KDM2B: variants seen among roughly 807,000 people sequenced by gnomAD.
The protein encoded by KDM2B is lysine demethylase 2B.
KDM2B carries 26 observed loss-of-function variants against 150.0 expected under a neutral mutation model. The observed-to-expected ratio is 0.17, with a 90% confidence interval of 0.13 to 0.24. KDM2B has a LOEUF of 0.24. Among genes scored for constraint, KDM2B ranks in the 10% least tolerant of loss-of-function variants. The probability of loss-of-function intolerance (pLI) is 1.00; values close to 1 mark genes in which losing one functional copy is unlikely to be tolerated. For missense variants in KDM2B, 1,265 were observed against 1,816.9 expected (o/e 0.70, Z 5.52); for synonymous variants, 734 against 729.5 (o/e 1.01, Z -0.10).
intron 12 of KDM2B, chr12:121,470,063 C>T (rs924068552): frequency 2.6e-5 from 4 of 151,182 alleles, no homozygotes; most frequent in African/African-American, 9.8e-5. Context: ...TGCCACTGCC[C>T]TCCAGCCTGG....
chr12:121,440,693 C>T (rs1303965181), intron 21 of KDM2B, 123 bp downstream of exon 21: 3 of 978,004 alleles, frequency 3.1e-6, no homozygotes, highest in Admixed American at 2.5e-5. Context: ...AAACTGAGAA[C>T]ATGGCAGCAG....
chr12:121,527,265 C>T (rs1219174793), intron 8 of KDM2B, among the ~76,000 whole-genome samples: 1 of 140,952 alleles, frequency 7.1e-6, no homozygotes, highest in East Asian at 2.4e-4. Flanking sequence ...ACCGTGTTAG[C>T]CAGGATGGTC....
chr12:121,580,269 C>T (rs1210637457), intron 1 of KDM2B: 151 of 1,272,106 alleles, frequency 1.2e-4, no homozygotes, highest in Non-Finnish European at 1.4e-4. Context: ...GGGGAGGCGT[C>T]GACGTCATAA....
chr12:121,462,919 C>T (rs1177136118), intron 12 of KDM2B, among the ~76,000 whole-genome samples: 2 of 150,936 alleles, frequency 1.3e-5, no homozygotes, highest in Non-Finnish European at 2.9e-5. Context: ...CTGGGCAACA[C>T]AGCAAAATTG....
intron 11 of KDM2B, among the ~76,000 whole-genome samples, chr12:121,502,807 G>A (rs1884701712): frequency 6.7e-6 from 1 of 149,912 alleles, no homozygotes; most frequent in African/African-American, 2.5e-5. Flanking sequence ...ACTGAGCATG[G>A]TATCGCATGC....
chr12:121,556,675 AC>A (rs1477170062), intron 4 of KDM2B, among the ~76,000 whole-genome samples: 2 of 152,198 alleles, frequency 1.3e-5, no homozygotes, highest in East Asian at 3.9e-4. Flanking sequence ...ACATGGTGAA[AC>A]CCTGTCTCTA....
At chr12:121,438,631 A>C (rs1229223960) in intron 22 of KDM2B, among the ~76,000 whole-genome samples, 4 of 152,096 alleles carry the variant, frequency 2.6e-5, no homozygotes, top group African/African-American at 7.2e-5. Context: ...GAGGAGAAGG[A>C]ATGGCTTCCT....
At chr12:121,435,037 G>GAAAAAAA (rs113742352) in intron 22 of KDM2B, among the ~76,000 whole-genome samples, 1 of 139,338 alleles carries the variant, frequency 7.2e-6, no homozygotes, top group Non-Finnish European at 1.5e-5. Context: ...CCAACAAAGG[G>GAAAAAAA]AAAAAAAAAA....
At chr12:121,472,139 G>C (rs1555296009) in intron 12 of KDM2B, among the ~76,000 whole-genome samples, 1 of 152,110 alleles carries the variant, frequency 6.6e-6, no homozygotes. Flanking sequence ...AAGTAACAGA[G>C]CAGGAGGCCT....
At chr12:121,463,194 A>C (rs1299354858) in intron 12 of KDM2B, among the ~76,000 whole-genome samples, 3 of 152,148 alleles carry the variant, frequency 2.0e-5, no homozygotes. Flanking sequence ...GCACACCTGT[A>C]GTCCTAGCCA....
Position 121,430,319 on chromosome 12 carries a change from A to G in KDM2B, c.3980T>C (p.Val1327Ala). The G allele has an allele frequency of 1.2e-6, 2 of 1,614,076 alleles. No individual in the cohort carries two copies. The highest frequency in any genetic ancestry group is 8.5e-7 in the Non-Finnish European group (1 of 1,180,016). The change falls in exon 23 of 23, where the codon GTA becomes GCA. Residue 1327 changes from valine to alanine, a missense_variant. Transcript: ENST00000377071. The surrounding 1 kb of genome is among the most constrained non-coding windows in gnomAD (Gnocchi z 4.4). ...EMSVSVQFGQ[V>A]EEKLLQKLS The stretch of plus-strand genomic sequence containing the variant: ...CAGTTTTTGCAGGAGTTTTTCTTCT[A>G]CTTGCCCAAACTGGACACTCACAGA...
Position 121,513,211 on chromosome 12 carries a change from A to G in KDM2B, c.1174+65T>C. The G allele has an allele frequency of 6.3e-7, 1 of 1,582,564 alleles. No homozygotes were observed. The highest frequency in any genetic ancestry group is 8.7e-7 in the Non-Finnish European group (1 of 1,155,422). The stretch of plus-strand genomic sequence containing the variant: ...AACTCAGGGAGTGTCTCCAGGCCCC[A>G]CTGAGAAAATGATTTCTGCCCCAGC... On this transcript the variant is annotated intron_variant, in intron 10 of 22. Transcript: ENST00000377071. This position sits in a 1 kb window ranked among gnomAD's most constrained non-coding sequence, Gnocchi z 5.0.
At chr12:121,500,222 T>G (rs782385165) in intron 11 of KDM2B, among the ~76,000 whole-genome samples, 1 of 152,120 alleles carries the variant, frequency 6.6e-6, no homozygotes, top group Non-Finnish European at 1.5e-5. Flanking sequence ...TAGGCCCTGC[T>G]TGAATTTATA....
At chr12:121,555,554 G>A (rs1889826419) in intron 4 of KDM2B, among the ~76,000 whole-genome samples, 1 of 152,072 alleles carries the variant, frequency 6.6e-6, no homozygotes, top group Non-Finnish European at 1.5e-5. Flanking sequence ...TGTATTTTTT[G>A]TAGGGACGGG....
At chr12:121,427,161 T>C (rs1462152460), downstream of KDM2B, among the ~76,000 whole-genome samples, 1 of 152,222 alleles carries the variant, frequency 6.6e-6, no homozygotes, top group African/African-American at 2.4e-5. Context: ...GGTCCTTTCA[T>C]TACTTCATCA....
chr12:121,532,375 A>T (rs1035365767), intron 8 of KDM2B, among the ~76,000 whole-genome samples: 2 of 152,174 alleles, frequency 1.3e-5, no homozygotes, highest in Admixed American at 6.5e-5. Context: ...ACCCTGGGGA[A>T]ATCTTAATCC....
chr12:121,439,184 C>G (rs949059618), intron 22 of KDM2B, among the ~76,000 whole-genome samples: 1 of 152,162 alleles, frequency 6.6e-6, no homozygotes, highest in African/African-American at 2.4e-5. Flanking sequence ...AAACCAAGCT[C>G]CCTCCTGCCC....
intron 12 of KDM2B, among the ~76,000 whole-genome samples, chr12:121,463,815 G>C (rs550537895): frequency 6.6e-6 from 1 of 152,122 alleles, no homozygotes; most frequent in Non-Finnish European, 1.5e-5. Flanking sequence ...CCGAGCTCAA[G>C]CCATCCACCT....
chr12:121,579,488 C>A, intron 1 of KDM2B: 1 of 849,012 alleles, frequency 1.2e-6, no homozygotes, highest in Non-Finnish European at 1.7e-6. Flanking sequence ...GCTGAGACCC[C>A]AGCCGCCCCC....
Sources: allele counts gnomAD v4.1 joint callset (sites outside exome capture counted in the v4.1 genomes callset), GRCh38; gene constraint gnomAD v4.1.1; non-coding constraint Gnocchi (gnomAD v3.1); transcripts MANE v1.5; gene names NCBI Gene and HGNC (gene_info 2026-07-23, HGNC 2026-07-21).